UNC5D: variants seen among roughly 807,000 people sequenced by gnomAD.
The protein encoded by UNC5D is unc-5 netrin receptor D, also known as netrin receptor UNC5D.
UNC5D carries 39 observed loss-of-function variants against 105.4 expected under a neutral mutation model. The observed-to-expected ratio is 0.37, with a 90% CI of 0.29 to 0.48. The LOEUF (loss-of-function observed/expected upper bound fraction) is 0.48. UNC5D is among the 20% of genes least tolerant of loss of function. UNC5D has a pLI of 0.98. For synonymous variants in UNC5D, 452 were observed against 450.4 expected (o/e 1.00, Z -0.04); for missense variants, 991 against 1,202.4 (o/e 0.82, Z 2.60).
chr8:35,720,484 G>A (rs1051801147), intron 8 of UNC5D, among the ~76,000 whole-genome samples: 1 of 152,200 alleles, frequency 6.6e-6, no homozygotes, highest in African/African-American at 2.4e-5. Flanking sequence ...TTCCCTCACT[G>A]CTTCCCATAC....
intron 8 of UNC5D, among the ~76,000 whole-genome samples, chr8:35,709,555 T>G (rs955921292): frequency 6.6e-6 from 1 of 152,058 alleles, no homozygotes; most frequent in Non-Finnish European, 1.5e-5. Context: ...CCAGCCTTGA[T>G]GGTGTGCACC....
At chr8:35,293,146 G>A (rs1046323717) in intron 1 of UNC5D, among the ~76,000 whole-genome samples, 1 of 152,206 alleles carries the variant, frequency 6.6e-6, no homozygotes, top group Non-Finnish European at 1.5e-5. Context: ...GGCGGATGAG[G>A]AAGATGAGGG....
At chr8:35,470,538 C>T (rs1327801913) in intron 1 of UNC5D, among the ~76,000 whole-genome samples, 1 of 148,832 alleles carries the variant, frequency 6.7e-6, no homozygotes, top group African/African-American at 2.5e-5. Flanking sequence ...GGATGATCAC[C>T]TGAGTCTAAG....
rs1811713777 is a variant in UNC5D, at chr8:35,498,035, C to T, written c.104-51257C>T. Among the ~76,000 whole-genome samples the T allele has an allele frequency of 4.3e-5, 6 of 140,038 alleles. No homozygotes were observed. The South Asian group carries it at 1.4e-3, about 32-fold the overall frequency. 91.9% of individuals were successfully genotyped at this position (140,038 alleles called of 152,430 possible). On this transcript the variant is annotated intron_variant, in intron 1 of 16. Transcript: ENST00000404895. ...AGTGGGATGAGATTGCACCATTGCA[C>T]TCCAGCCTGGGCAACAAGAGCAAAA...
At chr8:35,376,065 C>A (rs2128928600) in intron 1 of UNC5D, among the ~76,000 whole-genome samples, 1 of 152,208 alleles carries the variant, frequency 6.6e-6, no homozygotes, top group African/African-American at 2.4e-5. Flanking sequence ...CACATACATA[C>A]AAAATCTTAC....
At chr8:35,314,979 G>T (rs1396467434) in intron 1 of UNC5D, among the ~76,000 whole-genome samples, 2 of 152,152 alleles carry the variant, frequency 1.3e-5, no homozygotes, top group Non-Finnish European at 2.9e-5. Flanking sequence ...AGTTTATCAG[G>T]TCGGTGAGAG....
intron 1 of UNC5D, among the ~76,000 whole-genome samples, chr8:35,467,572 C>CAAAA (rs769649743): frequency 1.6e-4 from 7 of 42,506 alleles, no homozygotes; most frequent in South Asian, 1.0e-3. Flanking sequence ...CTATGACAGG[C>CAAAA]AAAAAAAAAA....
chr8:35,754,349 C>T (rs1001787302), intron 13 of UNC5D, among the ~76,000 whole-genome samples: 12 of 152,200 alleles, frequency 7.9e-5, no homozygotes, highest in Non-Finnish European at 1.8e-4. Context: ...ATTAGGAAAT[C>T]AATGTGAACA....
chr8:35,277,946 C>G (rs1174038611), intron 1 of UNC5D, among the ~76,000 whole-genome samples: 2 of 152,152 alleles, frequency 1.3e-5, no homozygotes, highest in African/African-American at 4.8e-5. Context: ...ATTTGAGAGT[C>G]AGCAGCTTGG....
At chr8:35,248,206 A>T (rs181412779) in intron 1 of UNC5D, among the ~76,000 whole-genome samples, 1 of 60,708 alleles carries the variant, frequency 1.6e-5, no homozygotes, top group Non-Finnish European at 2.7e-5. Flanking sequence ...TATTATATAA[A>T]ATATATAATA....
intron 1 of UNC5D, among the ~76,000 whole-genome samples, chr8:35,504,304 T>A (rs1392660947): frequency 2.6e-5 from 4 of 152,154 alleles, no homozygotes; most frequent in Non-Finnish European, 5.9e-5. Context: ...TTTGAAAAAA[T>A]GACAGCCTCA....
chr8:35,456,610 G>A (rs1057016730), intron 1 of UNC5D, among the ~76,000 whole-genome samples: 1 of 152,160 alleles, frequency 6.6e-6, no homozygotes, highest in East Asian at 1.9e-4. Flanking sequence ...AGTGTGACTT[G>A]TCAAAGCGTC....
chr8:35,397,756 G>A (rs894311448), intron 1 of UNC5D, among the ~76,000 whole-genome samples: 11 of 152,182 alleles, frequency 7.2e-5, no homozygotes, highest in South Asian at 2.1e-4. Flanking sequence ...CTGCAATAGC[G>A]TCCAAACTGG....
intron 1 of UNC5D, among the ~76,000 whole-genome samples, chr8:35,536,867 G>A (rs963422541): frequency 2.0e-5 from 3 of 152,002 alleles, no homozygotes; most frequent in South Asian, 4.2e-4. Flanking sequence ...GTAGTGGCAC[G>A]CACCTGTAGT....
chr8:35,260,624 G>T (rs76255407), intron 1 of UNC5D, among the ~76,000 whole-genome samples: 2 of 152,024 alleles, frequency 1.3e-5, no homozygotes, highest in African/African-American at 4.8e-5. Flanking sequence ...CGGCCATACC[G>T]AGCTAATTGT....
At chr8:35,666,693 T>C (rs926294291) in intron 4 of UNC5D, among the ~76,000 whole-genome samples, 1 of 152,204 alleles carries the variant, frequency 6.6e-6, no homozygotes, top group African/African-American at 2.4e-5. Context: ...GCAAAGTTAC[T>C]TGTTTTTAGA....
intron 3 of UNC5D, among the ~76,000 whole-genome samples, chr8:35,572,949 G>A (rs1204092561): frequency 1.3e-5 from 2 of 151,812 alleles, no homozygotes; most frequent in East Asian, 1.9e-4. Context: ...GACTACAGGC[G>A]CCCGCCACCA....
At chr8:35,512,569 A>ATATATATATATATATATATCTC (rs539399345) in intron 1 of UNC5D, among the ~76,000 whole-genome samples, 9 of 64,822 alleles carry the variant, frequency 1.4e-4, no homozygotes, top group Non-Finnish European at 2.1e-4. Flanking sequence ...ATATATATAT[A>ATATATATATATATATATATCTC]TCTGAATAGA....
At chr8:35,498,874 A>T (rs1200621134) in intron 1 of UNC5D, among the ~76,000 whole-genome samples, 1 of 151,984 alleles carries the variant, frequency 6.6e-6, no homozygotes, top group African/African-American at 2.4e-5. Flanking sequence ...TATTCCTAGG[A>T]TCTTTTTTCC....
Sources: gnomAD v4.1 joint callset for allele counts (sites outside exome capture counted in the v4.1 genomes callset) on GRCh38, gnomAD v4.1.1 for gene constraint, MANE v1.5 for transcripts, NCBI Gene and HGNC (gene_info 2026-07-23, HGNC 2026-07-21) for gene names.